The following MAGI2 variants were observed in gnomAD, a reference collection of about 807,000 sequenced individuals.
MAGI2 encodes membrane associated guanylate kinase, WW and PDZ domain containing 2.
MAGI2 carries 35 observed loss-of-function variants against 133.3 expected under a neutral mutation model. That is an observed-to-expected ratio of 0.26 (90% CI 0.20 to 0.35). The LOEUF (loss-of-function observed/expected upper bound fraction) is 0.35. Among genes scored for constraint, MAGI2 ranks in the 10% least tolerant of loss-of-function variants. The probability of loss-of-function intolerance (pLI) is 1.00; values close to 1 mark genes in which losing one functional copy is unlikely to be tolerated. For missense variants in MAGI2, 1,636 were observed against 1,863.4 expected (o/e 0.88, Z 2.25); for synonymous variants, 729 against 710.6 (o/e 1.03, Z -0.41).
intron 1 of MAGI2, among the ~76,000 whole-genome samples, chr7:79,051,002 AT>A (rs1812624818): frequency 6.6e-6 from 1 of 152,156 alleles, no homozygotes; most frequent in African/African-American, 2.4e-5. Context: ...CTACTTAATA[AT>A]TTTTCTAAAC....
intron 21 of MAGI2, among the ~76,000 whole-genome samples, chr7:78,048,576 ACT>A (rs1373598921): frequency 6.6e-6 from 1 of 151,728 alleles, no homozygotes; most frequent in Admixed American, 6.6e-5. Context: ...CCTAAAAAGA[ACT>A]CTCTTAATTT....
intron 2 of MAGI2, among the ~76,000 whole-genome samples, chr7:78,754,335 C>T (rs1823737976): frequency 6.6e-6 from 1 of 151,680 alleles, no homozygotes; most frequent in Admixed American, 6.6e-5. Context: ...CGTACCACTG[C>T]ACTCCAGCCT....
intron 1 of MAGI2, among the ~76,000 whole-genome samples, chr7:79,142,496 C>G (rs1822234458): frequency 6.6e-6 from 1 of 152,116 alleles, no homozygotes; most frequent in Admixed American, 6.6e-5. Flanking sequence ...GGTTACCGTT[C>G]TAGAAAGAGG....
intron 9 of MAGI2, among the ~76,000 whole-genome samples, chr7:78,338,687 G>T (rs1486248626): frequency 6.6e-6 from 1 of 152,076 alleles, no homozygotes; most frequent in African/African-American, 2.4e-5. Flanking sequence ...GTTTTTACAT[G>T]TCATTTTAAA....
At chr7:79,401,806 A>C (rs1309445826) in intron 1 of MAGI2, among the ~76,000 whole-genome samples, 1 of 152,114 alleles carries the variant, frequency 6.6e-6, no homozygotes, top group Non-Finnish European at 1.5e-5. Context: ...GGGCCTCCAC[A>C]CGTGATGAAC....
intron 2 of MAGI2, among the ~76,000 whole-genome samples, chr7:78,927,365 T>C (rs1799787590): frequency 6.6e-6 from 1 of 151,974 alleles, no homozygotes. Context: ...CAATGTTGAC[T>C]CTAGGTATTA....
intron 2 of MAGI2, among the ~76,000 whole-genome samples, chr7:78,724,189 A>T (rs1456410995): frequency 6.6e-6 from 1 of 152,172 alleles, no homozygotes; most frequent in African/African-American, 2.4e-5. Flanking sequence ...GGGGCACAGC[A>T]TAGTAACATG....
intron 1 of MAGI2, among the ~76,000 whole-genome samples, chr7:79,168,327 C>A (rs1480793689): frequency 6.6e-6 from 1 of 152,012 alleles, no homozygotes; most frequent in East Asian, 1.9e-4. Flanking sequence ...TTTGCTGTGT[C>A]TAGCATATAT....
chr7:78,275,791 G>T (rs937104846), intron 9 of MAGI2, among the ~76,000 whole-genome samples: 1 of 152,158 alleles, frequency 6.6e-6, no homozygotes, highest in Admixed American at 6.5e-5. Flanking sequence ...CAGTCGGTTG[G>T]ATAATCTTAA....
At chr7:78,854,814 T>G (rs553670648) in intron 2 of MAGI2, among the ~76,000 whole-genome samples, 1 of 152,134 alleles carries the variant, frequency 6.6e-6, no homozygotes, top group Non-Finnish European at 1.5e-5. Flanking sequence ...AAAACATGTT[T>G]AAGCAACAAG....
chr7:78,575,139 G>T (rs990273533), intron 3 of MAGI2, among the ~76,000 whole-genome samples: 1 of 133,206 alleles, frequency 7.5e-6, no homozygotes, highest in East Asian at 2.0e-4. Context: ...GCCCTCTAAG[G>T]ATATTAAACA....
At chr7:78,025,844 G>A (rs774511326) in intron 21 of MAGI2, among the ~76,000 whole-genome samples, 43 of 152,250 alleles carry the variant, frequency 2.8e-4, no homozygotes, top group Non-Finnish European at 5.7e-4. Context: ...AGATTCCCAG[G>A]GCGCAAAGTC....
chr7:78,380,420 G>A (rs13233044), intron 6 of MAGI2, among the ~76,000 whole-genome samples: 85,712 of 151,824 alleles, frequency 0.56, 24,634 homozygotes, highest in East Asian at 0.69. Flanking sequence ...ACCATAATAA[G>A]GAATGAGATC....
At chr7:78,453,003 T>TG (rs1275804341) in intron 6 of MAGI2, among the ~76,000 whole-genome samples, 2 of 152,162 alleles carry the variant, frequency 1.3e-5, no homozygotes, top group Non-Finnish European at 2.9e-5. Flanking sequence ...AAATTTTTTT[T>TG]ACTTGTAATG....
At chr7:78,582,065 G>A (rs1306338185) in intron 3 of MAGI2, among the ~76,000 whole-genome samples, 1 of 152,206 alleles carries the variant, frequency 6.6e-6, no homozygotes, top group East Asian at 1.9e-4. Context: ...AGGGGATGAT[G>A]AGAGTGACTT....
At chr7:78,132,214 C>T (rs56026268) in intron 18 of MAGI2, among the ~76,000 whole-genome samples, 17,816 of 152,206 alleles carry the variant, frequency 0.12, 1,381 homozygotes, top group Non-Finnish European at 0.18. Context: ...CAACATTCTC[C>T]CTACCTCCAC....
intron 20 of MAGI2, among the ~76,000 whole-genome samples, chr7:78,096,748 T>C (rs1817727010): frequency 6.6e-6 from 1 of 152,168 alleles, no homozygotes; most frequent in African/African-American, 2.4e-5. Context: ...AGAGACTGCA[T>C]GTTCCCAAAG....
At chr7:78,799,912 T>C (rs540328204) in intron 2 of MAGI2, among the ~76,000 whole-genome samples, 2 of 152,264 alleles carry the variant, frequency 1.3e-5, no homozygotes, top group Non-Finnish European at 2.9e-5. Context: ...ACGTCAGCTA[T>C]AGTGATGGAA....
chr7:79,400,989 T>C (rs545144061), intron 1 of MAGI2, among the ~76,000 whole-genome samples: 1 of 152,246 alleles, frequency 6.6e-6, no homozygotes, highest in South Asian at 2.1e-4. Flanking sequence ...TATGGGTATA[T>C]TTAACATATT....
Sources: gnomAD v4.1 joint callset for allele counts (sites outside exome capture counted in the v4.1 genomes callset) on GRCh38, gnomAD v4.1.1 for gene constraint, MANE v1.5 for transcripts, NCBI Gene and HGNC (gene_info 2026-07-23, HGNC 2026-07-21) for gene names.